Variants in PCDHGA10 observed in about 807,000 individuals in gnomAD.
The protein encoded by PCDHGA10 is protocadherin gamma subfamily A, 10.
Under a neutral mutation model 59.5 loss-of-function variants are expected in PCDHGA10, and 42 were observed. That is an observed-to-expected ratio of 0.71 (90% CI 0.55 to 0.91). The LOEUF is 0.91. Among genes scored for constraint, PCDHGA10 ranks in the 40% least tolerant of loss-of-function variants. The probability of loss-of-function intolerance (pLI) is 0.00; values close to 1 mark genes in which losing one functional copy is unlikely to be tolerated. For missense variants in PCDHGA10, 1,111 were observed against 1,198.2 expected, an observed-to-expected ratio of 0.93 and a Z score of 1.07; for synonymous variants, 511 against 517.2, an observed-to-expected ratio of 0.99 and a Z score of 0.16.
chr5:141,418,509 G>A, intron 1 of PCDHGA10: 1 of 1,613,986 alleles, frequency 6.2e-7, no homozygotes. Context: ...GCCTTAGATG[G>A]TGGGGACCCT....
At position 141,511,246 on chromosome 5, in the gene PCDHGA10, G is replaced by A; in HGVS notation, c.*73G>A. 2 of 1,578,734 alleles carry A rather than the reference G, an allele frequency of 1.3e-6. No homozygotes were observed. Among genetic ancestry groups the A allele is most frequent in the Non-Finnish European group, 1.7e-6 (2 of 1,162,472 alleles). On this transcript the variant is annotated 3_prime_UTR_variant, in exon 4 of 4. Coordinates refer to ENST00000398610, the MANE Select transcript of PCDHGA10 (RefSeq NM_018913.3). The stretch of plus-strand genomic sequence containing the variant: ...CCAGCTTCTCCTTACCTGCACCCAG[G>A]CCTCAGAGTTTCAGGGCTAACCCCC...
chr5:141,428,015 A>G, intron 1 of PCDHGA10: 5 of 1,604,042 alleles, frequency 3.1e-6, no homozygotes, highest in Non-Finnish European at 3.4e-6. Flanking sequence ...ATATAGTGCC[A>G]CGCGCCGCAG....
chr5:141,473,260 G>T (rs2099318007), intron 1 of PCDHGA10, among the ~76,000 whole-genome samples: 1 of 152,148 alleles, frequency 6.6e-6, no homozygotes, highest in South Asian at 2.1e-4. Flanking sequence ...ATAGTCCTTA[G>T]TGTATGCTAT....
intron 2 of PCDHGA10, among the ~76,000 whole-genome samples, chr5:141,502,200 C>T (rs553356132): frequency 6.6e-6 from 1 of 152,252 alleles, no homozygotes; most frequent in African/African-American, 2.4e-5. Flanking sequence ...AATATAGAAT[C>T]CACCAGCAGA....
chr5:141,435,614 C>A, intron 1 of PCDHGA10, among the ~76,000 whole-genome samples: 1 of 152,056 alleles, frequency 6.6e-6, no homozygotes, highest in East Asian at 1.9e-4. Flanking sequence ...ACATTAAATT[C>A]CCCATAACTT....
At chr5:141,430,782 G>A (rs1220976669) in intron 1 of PCDHGA10, 2 of 1,510,858 alleles carry the variant, frequency 1.3e-6, no homozygotes, top group Non-Finnish European at 1.8e-6. Flanking sequence ...CGACTGCACC[G>A]GGACTACAAA....
At chr5:141,441,872 G>A (rs1400648028) in intron 1 of PCDHGA10, 4 of 341,526 alleles carry the variant, frequency 1.2e-5, no homozygotes, top group East Asian at 9.4e-5. Context: ...GCGGAGCCTG[G>A]CTACCTGGTC....
At chr5:141,422,997 C>T (rs114907564) in intron 1 of PCDHGA10, 28,679 of 1,614,218 alleles carry the variant, frequency 0.018, 311 homozygotes, top group Non-Finnish European at 0.021. Context: ...ACCTGGTGAC[C>T]AAGGTGGTTG....
intron 1 of PCDHGA10, among the ~76,000 whole-genome samples, chr5:141,458,664 G>A (rs544369246): frequency 6.6e-6 from 1 of 152,196 alleles, no homozygotes; most frequent in African/African-American, 2.4e-5. Context: ...CCACCTCTCG[G>A]GTTCAAGCAA....
At chr5:141,466,709 T>C (rs2099127779) in intron 1 of PCDHGA10, among the ~76,000 whole-genome samples, 1 of 152,212 alleles carries the variant, frequency 6.6e-6, no homozygotes, top group Non-Finnish European at 1.5e-5. Flanking sequence ...TGATGTCTGT[T>C]CTTGTTTCCA....
At position 141,414,932 on chromosome 5, in the gene PCDHGA10, C is replaced by T. The variant is rs770025434; in HGVS notation, c.1757C>T (p.Ala586Val). The T allele has an allele frequency of 1.9e-6, 3 of 1,614,162 alleles. No individual in the cohort carries two copies. Among genetic ancestry groups the T allele is most frequent in the Middle Eastern group, 1.7e-4 (1 of 6,060 alleles). The change falls in exon 1 of 4, where the codon GCA (alanine) becomes GTA (valine). Residue 586 changes from alanine to valine, a missense_variant. Transcript: ENST00000398610. ...STGVELAPRS[A>V]EPGYLVTKVV... ...GGCGTGGAGCTGGCGCCCCGCTCCG[C>T]AGAGCCCGGCTACCTGGTGACCAAG... is the stretch of plus-strand genomic sequence containing the variant.
At position 141,511,124 on chromosome 5, in the gene PCDHGA10, C is replaced by A. The variant is rs752246201; in HGVS notation, c.2762C>A (p.Ala921Glu). The A allele has an allele frequency of 6.2e-7, 1 of 1,614,206 alleles. No homozygotes were observed. The highest frequency in any genetic ancestry group is 8.5e-7 in the Non-Finnish European group (1 of 1,180,022). ...AAGKRDGKAP[A>E]GGNGNKKKSG... The stretch of plus-strand genomic sequence containing the variant: ...GGCAAGCGGGATGGCAAGGCCCCAG[C>A]AGGTGGCAATGGCAACAAGAAGAAG... Residue 921 changes from alanine (A) to glutamate (E), a missense_variant, in exon 4 of 4, where the codon GCA becomes GAA. Coordinates refer to ENST00000398610, the MANE Select transcript of PCDHGA10 (RefSeq NM_018913.3).
chr5:141,510,252 G>A (rs1342841474), intron 3 of PCDHGA10, among the ~76,000 whole-genome samples: 4 of 148,432 alleles, frequency 2.7e-5, no homozygotes, highest in Admixed American at 1.3e-4. Context: ...CAGGCTGGGC[G>A]ACAGAGCAGG....
chr5:141,450,253 A>G (rs1025385837), intron 1 of PCDHGA10, among the ~76,000 whole-genome samples: 1 of 152,020 alleles, frequency 6.6e-6, no homozygotes, highest in African/African-American at 2.4e-5. Flanking sequence ...CCTGACCTCA[A>G]GTGATCTGCC....
rs761350249 is a variant in PCDHGA10 at position 141,418,909 on chromosome 5, G to A, written c.2436+3298G>A. Reference sequence around the variant, plus strand: ...ACAACAGCCCAGAAATAATCATCACGTCACTCTCTGATCAGATTATGGAGG... The same window carrying A: ...ACAACAGCCCAGAAATAATCATCACATCACTCTCTGATCAGATTATGGAGG... On this transcript the variant is annotated intron_variant, in intron 1 of 3. Coordinates refer to ENST00000398610, the MANE Select transcript of PCDHGA10 (RefSeq NM_018913.3). The A allele has an allele frequency of 1.9e-6, 3 of 1,613,906 alleles. No homozygotes were observed. In the Admixed American group the frequency reaches 5.0e-5, roughly 27 times the overall value.
chr5:141,496,478 G>A lies in PCDHGA10; in HGVS notation c.2495+1613G>A, dbSNP rs150992994. 7.2e-3 allele frequency among the ~76,000 whole-genome samples: 1,093 copies of A among 152,228 alleles called. 19 individuals are homozygous for A. The highest frequency in any genetic ancestry group is 0.025 in the African/African-American group (1,039 of 41,518). ...CCAAGAGTTATCTTTCCCCCATCCT[G>A]CAACCAACCAAACCCTTGTTGCCAC... is the stretch of plus-strand genomic sequence containing the variant. On this transcript the variant is annotated intron_variant, in intron 2 of 3. Transcript: ENST00000398610.
At chr5:141,498,679 C>T (rs1454800332) in intron 2 of PCDHGA10, among the ~76,000 whole-genome samples, 1 of 152,170 alleles carries the variant, frequency 6.6e-6, no homozygotes, top group African/African-American at 2.4e-5. Flanking sequence ...CGCCTGTAAT[C>T]CCAGCACTTT....
chr5:141,417,975 A>C, intron 1 of PCDHGA10: 3 of 1,613,724 alleles, frequency 1.9e-6, no homozygotes, highest in Non-Finnish European at 2.5e-6. Context: ...TCGATTCCGG[A>C]GGAGCTGGCC....
intron 2 of PCDHGA10, among the ~76,000 whole-genome samples, chr5:141,495,644 A>G (rs767670166): frequency 5.3e-5 from 8 of 151,770 alleles, no homozygotes; most frequent in Non-Finnish European, 1.0e-4. Context: ...TCATTTGTCT[A>G]CTTGCATTGA....
Sources: gnomAD v4.1 joint callset for allele counts (sites outside exome capture counted in the v4.1 genomes callset) on GRCh38, gnomAD v4.1.1 for gene constraint, MANE v1.5 for transcripts, NCBI Gene and HGNC (gene_info 2026-07-23, HGNC 2026-07-21) for gene names.